Variants in GRM7 observed in about 807,000 individuals in gnomAD.
GRM7 encodes metabotropic glutamate receptor 7.
In GRM7, 35 loss-of-function variants were observed where a neutral mutation model predicts 84.5. The ratio of observed to expected loss-of-function variants is 0.41; its 90% CI spans 0.32 to 0.55. The LOEUF (loss-of-function observed/expected upper bound fraction) is 0.55, where lower values mean the gene tolerates loss of function less well. GRM7 is among the 20% of genes least tolerant of loss of function. The probability of loss-of-function intolerance (pLI) is 0.19; values close to 1 mark genes in which losing one functional copy is unlikely to be tolerated. For synonymous variants in GRM7, 487 were observed against 455.1 expected (o/e 1.07, Z -0.89); for missense variants, 1,003 against 1,194.6 (o/e 0.84, Z 2.36).
chr3:7,129,898 A>T (rs1693533792), intron 1 of GRM7, among the ~76,000 whole-genome samples: 1 of 152,246 alleles, frequency 6.6e-6, no homozygotes, highest in Non-Finnish European at 1.5e-5. Flanking sequence ...CTTAATCATC[A>T]AAATGAGTCT....
At chr3:7,639,615 T>C (rs1698269717) in intron 8 of GRM7, among the ~76,000 whole-genome samples, 1 of 152,172 alleles carries the variant, frequency 6.6e-6, no homozygotes, top group Admixed American at 6.5e-5. Context: ...AATTTCTCCT[T>C]CCTTTAAACT....
chr3:7,018,003 A>T (rs990364596), intron 1 of GRM7, among the ~76,000 whole-genome samples: 20 of 152,364 alleles, frequency 1.3e-4, no homozygotes, highest in African/African-American at 4.3e-4. Flanking sequence ...AAAGTATGTT[A>T]TTCCATAAAG....
At chr3:7,061,097 A>G (rs566333805) in intron 1 of GRM7, among the ~76,000 whole-genome samples, 6 of 151,898 alleles carry the variant, frequency 4.0e-5, no homozygotes, top group African/African-American at 1.4e-4. Flanking sequence ...ATTAAGATTT[A>G]TATGTGGGCA....
At chr3:7,734,247 C>A (rs113843339) in intron 9 of GRM7, among the ~76,000 whole-genome samples, 4 of 82,332 alleles carry the variant, frequency 4.9e-5, no homozygotes, top group Non-Finnish European at 7.9e-5. Context: ...TTGGCAGGGG[C>A]GGGGGGGGGG....
At chr3:7,585,181 G>C (rs1284768574) in intron 8 of GRM7, among the ~76,000 whole-genome samples, 2 of 152,174 alleles carry the variant, frequency 1.3e-5, no homozygotes, top group African/African-American at 4.8e-5. Context: ...GGTTGTTGAG[G>C]TCTTGCTTCT....
intron 1 of GRM7, among the ~76,000 whole-genome samples, chr3:7,145,043 C>T (rs1694066734): frequency 6.6e-6 from 1 of 152,150 alleles, no homozygotes; most frequent in Admixed American, 6.6e-5. Context: ...GAGGCGATAA[C>T]TAGCCTTAAA....
chr3:7,051,264 A>G (rs1696989838), intron 1 of GRM7, among the ~76,000 whole-genome samples: 1 of 151,768 alleles, frequency 6.6e-6, no homozygotes, highest in African/African-American at 2.4e-5. Context: ...TTCTCATTTG[A>G]TCCTCACCAC....
chr3:7,654,984 C>T (rs1408751217), intron 8 of GRM7, among the ~76,000 whole-genome samples: 1 of 152,194 alleles, frequency 6.6e-6, no homozygotes, highest in Non-Finnish European at 1.5e-5. Flanking sequence ...AATGCACTTA[C>T]ATGAGGACTC....
chr3:6,943,165 T>A (rs1470710717), intron 1 of GRM7, among the ~76,000 whole-genome samples: 1 of 151,984 alleles, frequency 6.6e-6, no homozygotes, highest in Non-Finnish European at 1.5e-5. Flanking sequence ...GCATATCTTT[T>A]TGTTTTCTTA....
chr3:7,391,563 G>T lies in GRM7; in HGVS notation c.1034-23460G>T, dbSNP rs539478290. ...ATCACACACCGGGGCCTGTCGTGGG[G>T]CGGGGGAAGTGGGGAGGGATAACAT... is the stretch of plus-strand genomic sequence containing the variant. On this transcript the variant is annotated intron_variant, in intron 4 of 9. Transcript: ENST00000357716. Among the ~76,000 whole-genome samples the T allele has an allele frequency of 2.0e-5, 3 of 152,222 alleles. No homozygotes were observed. The East Asian group carries it at 5.8e-4, about 29-fold the overall frequency.
At chr3:7,497,673 A>G (rs1699753666) in intron 7 of GRM7, among the ~76,000 whole-genome samples, 1 of 152,176 alleles carries the variant, frequency 6.6e-6, no homozygotes, top group African/African-American at 2.4e-5. Flanking sequence ...TCATTTGTAT[A>G]ATTAAATAGA....
At position 7,591,149 on chromosome 3, in the gene GRM7, A is replaced by T. The variant is rs372968751; in HGVS notation, c.2451+11792A>T. On this transcript the variant is annotated intron_variant, in intron 8 of 9. Coordinates refer to ENST00000357716, the MANE Select transcript of GRM7 (RefSeq NM_000844.4). ...TAGGTTTATAGCAAGAACAGCCTTG[A>T]GCGAGATCAATCTTGCTGAGGGAGT... Among the ~76,000 whole-genome samples, 15 of 152,220 alleles carry T rather than the reference A, an allele frequency of 9.9e-5. No homozygotes were observed. In the East Asian group the frequency reaches 1.3e-3, roughly 14 times the overall value.
intron 2 of GRM7, among the ~76,000 whole-genome samples, chr3:7,156,968 A>G (rs1385525926): frequency 1.3e-5 from 2 of 152,044 alleles, no homozygotes; most frequent in South Asian, 2.1e-4. Flanking sequence ...AAAAAAAAAA[A>G]TCAGAATTCT....
intron 7 of GRM7, among the ~76,000 whole-genome samples, chr3:7,510,026 C>T (rs569334206): frequency 6.6e-6 from 1 of 152,150 alleles, no homozygotes; most frequent in Non-Finnish European, 1.5e-5. Context: ...CAAAAATTGC[C>T]TTAAACCAAG....
intron 7 of GRM7, among the ~76,000 whole-genome samples, chr3:7,500,408 G>C (rs974762894): frequency 2.0e-5 from 3 of 152,200 alleles, no homozygotes; most frequent in African/African-American, 7.2e-5. Flanking sequence ...CTAAGCTGTA[G>C]CTTTCTTTAC....
chr3:7,336,815 T>C (rs1701439007), intron 4 of GRM7, among the ~76,000 whole-genome samples: 1 of 151,056 alleles, frequency 6.6e-6, no homozygotes, highest in Admixed American at 6.6e-5. Context: ...CTATATATAA[T>C]ATTTGGGAAT....
At chr3:7,153,099 A>G (rs893131942) in intron 2 of GRM7, among the ~76,000 whole-genome samples, 3 of 150,476 alleles carry the variant, frequency 2.0e-5, no homozygotes, top group Admixed American at 6.6e-5. Context: ...TTCAGAAGAA[A>G]CTGCAGCATT....
At chr3:6,887,538 T>C (rs565709526) in intron 1 of GRM7, among the ~76,000 whole-genome samples, 1 of 152,324 alleles carries the variant, frequency 6.6e-6, no homozygotes, top group East Asian at 1.9e-4. Flanking sequence ...ATTTCATCCA[T>C]GTCCCTACAA....
intron 1 of GRM7, among the ~76,000 whole-genome samples, chr3:6,980,563 TC>T (rs1694161113): frequency 6.6e-6 from 1 of 152,198 alleles, no homozygotes; most frequent in African/African-American, 2.4e-5. Context: ...CTTGAGAACT[TC>T]CACTGTTTTC....
Sources: allele counts gnomAD v4.1 joint callset (sites outside exome capture counted in the v4.1 genomes callset), GRCh38; gene constraint gnomAD v4.1.1; transcripts MANE v1.5; gene names NCBI Gene and HGNC (gene_info 2026-07-23, HGNC 2026-07-21).